The following ITGA4 variants were observed in gnomAD, a reference collection of about 807,000 sequenced individuals.
The protein encoded by ITGA4 is integrin subunit alpha 4.
In ITGA4, 63 loss-of-function variants were observed where a neutral mutation model predicts 133.6. The observed-to-expected ratio is 0.47, with a 90% confidence interval of 0.38 to 0.58. The LOEUF (loss-of-function observed/expected upper bound fraction) is 0.58, where lower values mean the gene tolerates loss of function less well. ITGA4 is among the 20% of genes least tolerant of loss of function. The probability of loss-of-function intolerance (pLI) is 0.00; values close to 1 mark genes in which losing one functional copy is unlikely to be tolerated. For synonymous variants in ITGA4, 483 were observed against 438.0 expected (o/e 1.10, Z -1.28); for missense variants, 1,076 against 1,252.7 (o/e 0.86, Z 2.13).
chr2:181,478,874 A>T (rs1054853285), intron 5 of ITGA4, 50 bp downstream of exon 5: 1 of 905,936 alleles, frequency 1.1e-6, no homozygotes, highest in African/African-American at 1.7e-5. Context: ...TAGAATCTTA[A>T]TTCTTCTCAT....
At chr2:181,458,403 G>A in intron 2 of ITGA4, 86 bp downstream of exon 2, 2 of 1,496,514 alleles carry the variant, frequency 1.3e-6, no homozygotes, top group South Asian at 1.2e-5. Flanking sequence ...AAAGATTCAC[G>A]TTGCCTGTTA....
At chr2:181,494,371 C>G (rs1477760602) in intron 11 of ITGA4, among the ~76,000 whole-genome samples, 1 of 152,194 alleles carries the variant, frequency 6.6e-6, no homozygotes, top group African/African-American at 2.4e-5. Context: ...ACTCAGGAGG[C>G]TGAGCTGGGA....
At chr2:181,529,831 T>G (rs1686907551) in intron 23 of ITGA4, among the ~76,000 whole-genome samples, 183 bp downstream of exon 23, 1 of 152,220 alleles carries the variant, frequency 6.6e-6, no homozygotes. Flanking sequence ...TATACATTTC[T>G]TTAGAACTAT....
intron 2 of ITGA4, among the ~76,000 whole-genome samples, chr2:181,462,135 G>C (rs928899581): frequency 1.3e-5 from 2 of 152,088 alleles, no homozygotes; most frequent in Non-Finnish European, 2.9e-5. Flanking sequence ...TAAGTTCTCT[G>C]TGTAAAAATA....
chr2:181,486,775 A>G (rs1276493206), intron 10 of ITGA4, among the ~76,000 whole-genome samples: 1 of 152,192 alleles, frequency 6.6e-6, no homozygotes, highest in African/African-American at 2.4e-5. Context: ...GTTTAAGAGG[A>G]GAGTGTGCAG....
intron 20 of ITGA4, chr2:181,524,485 G>A (rs1402504117): frequency 1.8e-5 from 7 of 380,750 alleles, no homozygotes; most frequent in East Asian, 8.5e-5. Context: ...GATGTGTCAC[G>A]AATCAAACTG....
chr2:181,527,029 T>C (rs1256361705), intron 21 of ITGA4, among the ~76,000 whole-genome samples: 1 of 151,510 alleles, frequency 6.6e-6, no homozygotes, highest in African/African-American at 2.4e-5. Context: ...AGAGATTGGG[T>C]TTCACCACGT....
rs1162004377 is a variant in ITGA4, at chr2:181,525,271, G to A, written c.2319G>A (p.Glu773=). 1.9e-6 allele frequency: 3 copies of A among 1,593,210 alleles called. No individual in the cohort carries two copies. The highest frequency in any genetic ancestry group is 3.3e-5 in the Admixed American group (2 of 59,920). Residue 773 remains glutamate (E), a synonymous_variant, in exon 21 of 28, where the codon GAG becomes GAA. Coordinates refer to ENST00000397033, the MANE Select transcript of ITGA4 (RefSeq NM_000885.6). The part of the protein sequence containing the change: ...RVTVAIPLKY[E]VKLTVHGFVN... ...CTGTAGCAATACCTTTAAAATATGA[G>A]GTTAAGCTGACTGTTCATGGGTAAG...
At chr2:181,511,498 C>T (rs1686504862) in intron 16 of ITGA4, among the ~76,000 whole-genome samples, 1 of 151,958 alleles carries the variant, frequency 6.6e-6, no homozygotes, top group African/African-American at 2.4e-5. Context: ...GAACTTAGCT[C>T]TTTTAGCCCT....
chr2:181,530,698 T>A, intron 24 of ITGA4, 49 bp downstream of exon 24: 2 of 1,563,994 alleles, frequency 1.3e-6, no homozygotes, highest in Non-Finnish European at 1.8e-6. Flanking sequence ...AACAGAGAAG[T>A]GAGACACTTA....
rs1416939802 is a variant in ITGA4 at position 181,535,429 on chromosome 2, C to T, written c.3004-3C>T. The T allele has an allele frequency of 1.2e-6, 2 of 1,600,100 alleles. No homozygotes were observed. The highest frequency in any genetic ancestry group is 1.1e-5 in the South Asian group (1 of 89,212). ...ACTAGTGATTATGTTATGCTATTTT[C>T]AGGCTGGCTTCTTTAAAAGACAATA... is the stretch of plus-strand genomic sequence containing the variant. On this transcript the variant is annotated splice_region_variant and splice_polypyrimidine_tract_variant and intron_variant, in intron 27 of 27. Coordinates refer to ENST00000397033, the MANE Select transcript of ITGA4 (RefSeq NM_000885.6).
chr2:181,499,987 C>T (rs1686236508), intron 15 of ITGA4, among the ~76,000 whole-genome samples: 2 of 152,046 alleles, frequency 1.3e-5, no homozygotes, highest in South Asian at 2.1e-4. Flanking sequence ...ACAGCTTTTT[C>T]GGAGTAAATT....
At position 181,498,681 on chromosome 2, in the gene ITGA4, C is replaced by T. The variant is rs745706446; in HGVS notation, c.1599C>T (p.Phe533=). The change falls in exon 15 of 28, where the codon TTC becomes TTT. Residue 533 remains phenylalanine (F), a synonymous_variant. Transcript: ENST00000397033. ...GAAAGGCAGAGTCTCCACCAAGATT[C>T]TATTTCTCTTCTAATGGAACTTCTG... ...VNRKAESPPR[F]YFSSNGTSDV... The T allele has an allele frequency of 6.2e-7, 1 of 1,612,318 alleles. No individual in the cohort carries two copies. The highest frequency in any genetic ancestry group is 1.3e-5 in the African/African-American group (1 of 74,948).
Position 181,522,280 on chromosome 2 carries a change from A to G in ITGA4, c.2012A>G (p.Tyr671Cys), listed in dbSNP as rs1348747792. ...TTGTTTAATGCTGGAGATGATGCAT[A>G]TGAAACGACTCTACATGTCAAACTA... ...VSLFNAGDDA[Y>C]ETTLHVKLPV... Residue 671 changes from tyrosine (Y) to cysteine (C), a missense_variant, in exon 18 of 28, where the codon TAT becomes TGT. Tyr to Cys is a radical substitution (Grantham distance 194, BLOSUM62 -2). This residue lies in a region of ITGA4 where 365 missense variants were observed against 421.4 expected (regional missense o/e 0.87). Transcript: ENST00000397033. The G allele has an allele frequency of 6.3e-7, 1 of 1,598,002 alleles. No homozygotes were observed. Among genetic ancestry groups the G allele is most frequent in the South Asian group, 1.1e-5 (1 of 90,380 alleles).
chr2:181,514,218 G>A (rs961382873), intron 17 of ITGA4, among the ~76,000 whole-genome samples: 1 of 152,068 alleles, frequency 6.6e-6, no homozygotes, highest in African/African-American at 2.4e-5. Flanking sequence ...GGTAATTGAA[G>A]GCATTGAGGA....
At chr2:181,531,907 C>CT (rs1559058754) in intron 25 of ITGA4, 131 bp downstream of exon 25, 1 of 560,742 alleles carries the variant, frequency 1.8e-6, no homozygotes, top group Non-Finnish European at 3.0e-6. Context: ...GAGTAAAACT[C>CT]TAAAACTGTA....
At chr2:181,475,970 A>G in intron 4 of ITGA4, 1 of 1,277,552 alleles carries the variant, frequency 7.8e-7, no homozygotes, top group Non-Finnish European at 1.0e-6. Context: ...CAAATTCATA[A>G]TTTTCTAACC....
At position 181,538,200 on chromosome 2, in the gene ITGA4, T is replaced by C; in HGVS notation, c.*2673T>C. ...AATTACATGTTACTTTGGAATCATTTCTTCCATGCTTCCTCCATAAAGACT... is the reference window on the plus strand; with the variant it reads ...AATTACATGTTACTTTGGAATCATTCCTTCCATGCTTCCTCCATAAAGACT... On this transcript the variant is annotated 3_prime_UTR_variant, in exon 28 of 28. Transcript: ENST00000397033. 2 of 1,582,368 alleles carry C rather than the reference T, an allele frequency of 1.3e-6. No individual in the cohort carries two copies. Among genetic ancestry groups the C allele is most frequent in the Non-Finnish European group, 1.7e-6 (2 of 1,152,384 alleles).
chr2:181,524,959 TAAA>T (rs34230117), intron 20 of ITGA4, among the ~76,000 whole-genome samples: 7 of 146,430 alleles, frequency 4.8e-5, no homozygotes, highest in African/African-American at 1.7e-4. Flanking sequence ...AACTATTTGT[TAAA>T]AAAAAAAAAA....
Sources: gnomAD v4.1 joint callset for allele counts (sites outside exome capture counted in the v4.1 genomes callset) on GRCh38, gnomAD v4.1.1 for gene constraint, gnomAD v4.1.1 regional missense constraint, MANE v1.5 for transcripts, NCBI Gene and HGNC (gene_info 2026-07-23, HGNC 2026-07-21) for gene names.